The following ERBB4 variants were observed in gnomAD, a reference collection of about 807,000 sequenced individuals.
ERBB4 encodes receptor tyrosine-protein kinase erbB-4.
A neutral mutation model predicts 158.0 loss-of-function variants in ERBB4; 42 were observed. The observed-to-expected ratio is 0.27, with a 90% confidence interval of 0.21 to 0.34. The LOEUF is 0.34. Among genes scored for constraint, ERBB4 ranks in the 10% least tolerant of loss-of-function variants. ERBB4 has a pLI of 1.00. For missense variants in ERBB4, 1,333 were observed against 1,624.1 expected (o/e 0.82, Z 3.08); for synonymous variants, 583 against 558.7 (o/e 1.04, Z -0.61).
chr2:211,442,404 A>G (rs936945018), intron 20 of ERBB4, among the ~76,000 whole-genome samples: 2 of 151,944 alleles, frequency 1.3e-5, no homozygotes, highest in Non-Finnish European at 2.9e-5. Context: ...CCATCCATCC[A>G]TCCATCCATC....
intron 3 of ERBB4, among the ~76,000 whole-genome samples, chr2:211,887,512 T>C (rs1365489835): frequency 1.3e-5 from 2 of 152,218 alleles, no homozygotes; most frequent in African/African-American, 2.4e-5. Flanking sequence ...AAGACAAAAG[T>C]TGTGTCATTT....
intron 25 of ERBB4, among the ~76,000 whole-genome samples, chr2:211,398,950 C>CTCTT (rs1306499346): frequency 1.3e-5 from 2 of 152,148 alleles, no homozygotes; most frequent in Non-Finnish European, 2.9e-5. Flanking sequence ...CCAGCTTCAC[C>CTCTT]TCTTTCTTTG....
intron 1 of ERBB4, among the ~76,000 whole-genome samples, chr2:212,322,323 C>T (rs1029204884): frequency 1.3e-5 from 2 of 150,086 alleles, no homozygotes; most frequent in East Asian, 3.9e-4. Context: ...TTAAACAATG[C>T]TGCTGTGAAG....
chr2:212,290,798 C>T (rs1344688210), intron 1 of ERBB4, among the ~76,000 whole-genome samples: 6 of 151,626 alleles, frequency 4.0e-5, no homozygotes, highest in Non-Finnish European at 1.5e-5. Context: ...AAATAACGAA[C>T]ATATACCATG....
chr2:211,448,467 TACACAC>T lies in ERBB4; in HGVS notation c.2488-17373_2488-17368del, dbSNP rs3067955. 2.2e-3 allele frequency among the ~76,000 whole-genome samples: 332 copies of T among 149,646 alleles called. 1 individual carries two copies. Among genetic ancestry groups the T allele is most frequent in the African/African-American group, 7.6e-3 (310 of 40,782 alleles). On this transcript the variant is annotated intron_variant, in intron 20 of 27. Transcript: ENST00000342788. Reference sequence around the variant, plus strand: ...ATGTATATACATCTACCCAAACAGATACACACACACACACACACACACACAATTACA... The same window carrying T: ...ATGTATATACATCTACCCAAACAGATACACACACACACACACACAATTACA...
chr2:211,802,128 G>A (rs1186647030), intron 3 of ERBB4, among the ~76,000 whole-genome samples: 2 of 152,004 alleles, frequency 1.3e-5, no homozygotes, highest in African/African-American at 4.8e-5. Context: ...GTGCGGTGGC[G>A]GGCACCTGTA....
intron 20 of ERBB4, among the ~76,000 whole-genome samples, chr2:211,490,197 T>C (rs933133590): frequency 7.9e-5 from 12 of 152,114 alleles, no homozygotes; most frequent in Admixed American, 6.5e-5. Context: ...AGTTGACTAA[T>C]TTTTACTCAT....
chr2:211,954,577 T>G (rs533347892), intron 2 of ERBB4, among the ~76,000 whole-genome samples: 3 of 152,226 alleles, frequency 2.0e-5, no homozygotes, highest in Admixed American at 1.3e-4. Context: ...TAATGCTGAT[T>G]ACTTAAGGTC....
intron 12 of ERBB4, among the ~76,000 whole-genome samples, chr2:211,679,964 G>T (rs1175065631): frequency 6.6e-6 from 1 of 152,182 alleles, no homozygotes; most frequent in East Asian, 1.9e-4. Context: ...ACAGTCGTGA[G>T]GCACTGCGCC....
At chr2:212,345,762 T>C (rs1347257772) in intron 1 of ERBB4, among the ~76,000 whole-genome samples, 1 of 152,156 alleles carries the variant, frequency 6.6e-6, no homozygotes, top group East Asian at 1.9e-4. Context: ...CTAATTTAAA[T>C]CATTATATGT....
At chr2:212,100,517 T>G (rs1351012974) in intron 2 of ERBB4, among the ~76,000 whole-genome samples, 3 of 152,222 alleles carry the variant, frequency 2.0e-5, no homozygotes, top group African/African-American at 7.2e-5. Context: ...TAAGTATTCA[T>G]AGGCATGTTG....
chr2:212,223,528 T>C (rs1196718897), intron 1 of ERBB4, among the ~76,000 whole-genome samples: 1 of 150,848 alleles, frequency 6.6e-6, no homozygotes, highest in South Asian at 2.1e-4. Flanking sequence ...ATTCAAATTA[T>C]ATAATGGATA....
intron 20 of ERBB4, among the ~76,000 whole-genome samples, chr2:211,508,517 C>A (rs1312322579): frequency 6.6e-6 from 1 of 152,136 alleles, no homozygotes; most frequent in African/African-American, 2.4e-5. Context: ...AATGCTTTTA[C>A]ACTACTGGTG....
intron 1 of ERBB4, among the ~76,000 whole-genome samples, chr2:212,373,800 C>CATATATATATCCATGTATATATCCAT (rs1206677980): frequency 1.1e-5 from 1 of 90,322 alleles, no homozygotes; most frequent in Non-Finnish European, 2.4e-5. Flanking sequence ...TATATATATC[C>CATATATATATCCATGTATATATCCAT]ATATATATAT....
At chr2:212,490,772 CG>C (rs1421382219) in intron 1 of ERBB4, among the ~76,000 whole-genome samples, 1 of 151,648 alleles carries the variant, frequency 6.6e-6, no homozygotes, top group Non-Finnish European at 1.5e-5. Context: ...TAATTAACTA[CG>C]GGCTTTAATA....
intron 1 of ERBB4, among the ~76,000 whole-genome samples, chr2:212,171,232 T>TA (rs1267356424): frequency 6.6e-6 from 1 of 152,122 alleles, no homozygotes; most frequent in Admixed American, 6.5e-5. Flanking sequence ...ATGGGGCCTG[T>TA]ATCCCCTATG....
intron 3 of ERBB4, among the ~76,000 whole-genome samples, chr2:211,909,609 G>T (rs944828063): frequency 2.0e-5 from 3 of 151,790 alleles, no homozygotes; most frequent in East Asian, 2.0e-4. Context: ...TGGTATAAAA[G>T]GTTACAAGTG....
At chr2:211,417,661 T>C (rs960240282) in intron 25 of ERBB4, among the ~76,000 whole-genome samples, 1 of 152,204 alleles carries the variant, frequency 6.6e-6, no homozygotes, top group African/African-American at 2.4e-5. Context: ...ATTTGTGGAA[T>C]TGAAAAAATC....
At position 211,377,208 on chromosome 2, in the gene ERBB4, G is replaced by T. The variant is rs1420753206; in HGVS notation, c.*6407C>A. 1.3e-5 allele frequency: 3 copies of T among 232,790 alleles called. No homozygotes were observed. The East Asian group carries it at 1.8e-4, about 14-fold the overall frequency. 14.4% of individuals were successfully genotyped at this position (232,790 alleles called of 1,614,324 possible). On this transcript the variant is annotated 3_prime_UTR_variant, in exon 28 of 28. Coordinates refer to ENST00000342788, the MANE Select transcript of ERBB4 (RefSeq NM_005235.3). Reference sequence around the variant, plus strand: ...AACCCCCAATTAACTAAAAAATCTGGAAATGACATTTGAAAACCAGATTCG... The same window carrying T: ...AACCCCCAATTAACTAAAAAATCTGTAAATGACATTTGAAAACCAGATTCG...
Sources: gnomAD v4.1 joint callset for allele counts (sites outside exome capture counted in the v4.1 genomes callset) on GRCh38, gnomAD v4.1.1 for gene constraint, MANE v1.5 for transcripts, NCBI Gene and HGNC (gene_info 2026-07-23, HGNC 2026-07-21) for gene names.